SND1: variants seen among roughly 807,000 people sequenced by gnomAD.
SND1 encodes staphylococcal nuclease and tudor domain containing 1.
SND1 carries 38 observed loss-of-function variants against 121.7 expected under a neutral mutation model. The observed-to-expected ratio is 0.31, with a 90% CI of 0.24 to 0.41. The LOEUF is 0.41. Ranked by LOEUF, SND1 falls within the 10% of genes least tolerant of loss-of-function variation. The pLI, the probability that SND1 is intolerant of heterozygous loss-of-function variation, is 1.00. For missense variants in SND1, 868 were observed against 1,184.6 expected, an observed-to-expected ratio of 0.73 and a Z score of 3.92; for synonymous variants, 401 against 447.4, an observed-to-expected ratio of 0.90 and a Z score of 1.31.
chr7:127,883,127 C>T (rs754002093), intron 12 of SND1, among the ~76,000 whole-genome samples: 21 of 152,132 alleles, frequency 1.4e-4, no homozygotes, highest in Non-Finnish European at 2.6e-4. Context: ...CACAGGCAGT[C>T]TTGCCCAAAA....
chr7:127,671,557 C>G (rs1169780813), intron 1 of SND1, among the ~76,000 whole-genome samples: 7 of 152,128 alleles, frequency 4.6e-5, no homozygotes, highest in Admixed American at 1.3e-4. Context: ...AGTGCAGTGG[C>G]TCTTCACAGG....
At chr7:128,022,893 A>T (rs1402959604) in intron 16 of SND1, among the ~76,000 whole-genome samples, 2 of 152,168 alleles carry the variant, frequency 1.3e-5, no homozygotes, top group African/African-American at 4.8e-5. Context: ...TACTGACAGC[A>T]AAGCTGGCGT....
intron 10 of SND1, among the ~76,000 whole-genome samples, chr7:127,773,135 A>T (rs960002890): frequency 6.6e-6 from 1 of 152,230 alleles, no homozygotes; most frequent in Non-Finnish European, 1.5e-5. Flanking sequence ...GCATATATAC[A>T]AAAGGACTGT....
In SND1 at chr7:128,031,615, A is replaced by G. The variant is rs1200723810; in HGVS notation, c.1779+40559A>G. 8 of 148,456 alleles carry G rather than the reference A, an allele frequency of 5.4e-5. No homozygotes were observed. The East Asian group carries it at 1.4e-3, about 26-fold the overall frequency. The allele number at this position is 148,456 out of a possible 1,614,324, so 9.2% of individuals were successfully genotyped here. A position where few individuals can be genotyped will look rare whatever the true frequency, so the allele number is the denominator to read the frequency against. ...GGGGCGGCGCTCCGTCCGGCCCCCG[A>G]GGACCAGCGGCGTGGCGGCTGCGCT... On this transcript the variant is annotated intron_variant, in intron 16 of 23. Coordinates refer to ENST00000354725, the MANE Select transcript of SND1 (RefSeq NM_014390.4).
At chr7:127,750,609 T>G (rs543473405) in intron 10 of SND1, among the ~76,000 whole-genome samples, 11 of 152,316 alleles carry the variant, frequency 7.2e-5, no homozygotes, top group African/African-American at 1.7e-4. Context: ...TTTTTTTGGA[T>G]TTTTGAATAT....
At chr7:127,873,345 G>A (rs1442703241) in intron 12 of SND1, among the ~76,000 whole-genome samples, 1 of 152,104 alleles carries the variant, frequency 6.6e-6, no homozygotes, top group Non-Finnish European at 1.5e-5. Context: ...AAGTACCTAA[G>A]CAGAGGATTA....
At chr7:127,703,660 C>T (rs1156342889) in intron 7 of SND1, among the ~76,000 whole-genome samples, 2 of 151,986 alleles carry the variant, frequency 1.3e-5, no homozygotes, top group Admixed American at 6.6e-5. Flanking sequence ...TGCAGTGAGC[C>T]GAGATTGCAC....
chr7:127,670,071 A>C (rs1164781265), intron 1 of SND1, among the ~76,000 whole-genome samples: 2 of 151,676 alleles, frequency 1.3e-5, no homozygotes, highest in Non-Finnish European at 2.9e-5. Flanking sequence ...GCTTACTGCA[A>C]CCTCTGCGTC....
Position 127,721,257 on chromosome 7 carries a change from A to G in SND1, c.1039-30A>G, listed in dbSNP as rs372622421. The G allele has an allele frequency of 1.2e-5, 18 of 1,492,548 alleles. No individual in the cohort carries two copies. In the African/African-American group the frequency reaches 1.8e-4, roughly 15 times the overall value. The allele number at this position is 1,492,548 out of a possible 1,614,324, so 92.5% of individuals were successfully genotyped here. A position where few individuals can be genotyped will look rare whatever the true frequency, so the allele number is the denominator to read the frequency against. On this transcript the variant is annotated intron_variant, in intron 9 of 23. Coordinates refer to ENST00000354725, the MANE Select transcript of SND1 (RefSeq NM_014390.4). ...GACATGTGATGGGGGCCATAGAAGC[A>G]GGTTTAAGCATGTTCCTTTTTGCTC...
chr7:127,863,864 A>G (rs562028350), intron 12 of SND1, among the ~76,000 whole-genome samples: 1 of 152,330 alleles, frequency 6.6e-6, no homozygotes, highest in East Asian at 1.9e-4. Context: ...GTGTCCCCAT[A>G]AAACTTTAAC....
At chr7:127,720,971 C>T (rs1391846975) in intron 9 of SND1, among the ~76,000 whole-genome samples, 1 of 152,178 alleles carries the variant, frequency 6.6e-6, no homozygotes, top group Non-Finnish European at 1.5e-5. Context: ...TCTTCAATTA[C>T]ATGTAGAGAC....
At chr7:127,944,717 T>A (rs1018011992) in intron 15 of SND1, among the ~76,000 whole-genome samples, 1 of 152,158 alleles carries the variant, frequency 6.6e-6, no homozygotes, top group South Asian at 2.1e-4. Context: ...GTAGTGCCCT[T>A]TTGCCTTAAT....
At chr7:127,857,948 T>C in intron 12 of SND1, 5 of 1,363,420 alleles carry the variant, frequency 3.7e-6, no homozygotes, top group Non-Finnish European at 5.2e-6. Context: ...TAGCCTTCGC[T>C]CACCCAGGTC....
chr7:127,771,734 C>T (rs1797515936), intron 10 of SND1, among the ~76,000 whole-genome samples: 1 of 152,102 alleles, frequency 6.6e-6, no homozygotes, highest in African/African-American at 2.4e-5. Flanking sequence ...CTGTGTCTTA[C>T]AAGTAGAATC....
rs989900790 is a variant in SND1 at position 128,052,207 on chromosome 7, A to G, written c.1780-22295A>G. ...ATCAGGCCCAGAGGAGCTGCCAGGC[A>G]GGACGGAAGGCTGGGGCTGCCAGTG... On this transcript the variant is annotated intron_variant, in intron 16 of 23. Coordinates refer to ENST00000354725, the MANE Select transcript of SND1 (RefSeq NM_014390.4). The surrounding 1 kb of genome is among the most constrained non-coding windows in gnomAD (Gnocchi z 4.6). 9.2e-5 allele frequency among the ~76,000 whole-genome samples: 14 copies of G among 152,342 alleles called. No homozygotes were observed. The highest frequency in any genetic ancestry group is 3.1e-4 in the African/African-American group (13 of 41,580).
intron 15 of SND1, among the ~76,000 whole-genome samples, chr7:127,943,636 G>A (rs1679526878): frequency 2.0e-5 from 3 of 152,042 alleles, no homozygotes; most frequent in Non-Finnish European, 4.4e-5. Flanking sequence ...ATCTCGTGGA[G>A]GAGATGAGTG....
At chr7:128,021,326 G>A (rs76988032) in intron 16 of SND1, among the ~76,000 whole-genome samples, 7,112 of 152,304 alleles carry the variant, frequency 0.047, 207 homozygotes, top group Non-Finnish European at 0.071. Flanking sequence ...TATTGTGAGG[G>A]ATGCACTCAG....
intron 1 of SND1, among the ~76,000 whole-genome samples, chr7:127,685,336 G>T (rs983175770): frequency 3.9e-5 from 6 of 152,072 alleles, no homozygotes; most frequent in Non-Finnish European, 5.9e-5. Context: ...CCTTTACTGA[G>T]AACTCCATGG....
chr7:127,666,013 T>C (rs984414421), intron 1 of SND1, among the ~76,000 whole-genome samples: 3 of 152,214 alleles, frequency 2.0e-5, no homozygotes, highest in African/African-American at 7.2e-5. Context: ...ACTTGCATTA[T>C]TGCTCTTGGC....
Sources: allele counts gnomAD v4.1 joint callset (sites outside exome capture counted in the v4.1 genomes callset), GRCh38; gene constraint gnomAD v4.1.1; non-coding constraint Gnocchi (gnomAD v3.1); transcripts MANE v1.5; gene names NCBI Gene and HGNC (gene_info 2026-07-23, HGNC 2026-07-21).